RSBN1L: variants seen among roughly 807,000 people sequenced by gnomAD.
RSBN1L encodes lysine-specific demethylase RSBN1L.
RSBN1L carries 30 observed loss-of-function variants against 67.7 expected under a neutral mutation model. That is an observed-to-expected ratio of 0.44 (90% CI 0.33 to 0.60). The LOEUF is 0.60. RSBN1L is among the 20% of genes least tolerant of loss of function. The pLI, the probability that RSBN1L is intolerant of heterozygous loss-of-function variation, is 0.02. For synonymous variants in RSBN1L, 433 were observed against 387.0 expected (o/e 1.12, Z -1.39); for missense variants, 992 against 1,031.7 (o/e 0.96, Z 0.53).
chr7:77,726,417 G>T (rs887688387), intron 1 of RSBN1L, among the ~76,000 whole-genome samples: 2 of 152,128 alleles, frequency 1.3e-5, no homozygotes, highest in Non-Finnish European at 2.9e-5. Context: ...GTATTTTGTG[G>T]AACGTCTCCC....
At chr7:77,723,671 C>T (rs1247924550) in intron 1 of RSBN1L, among the ~76,000 whole-genome samples, 3 of 152,088 alleles carry the variant, frequency 2.0e-5, no homozygotes, top group African/African-American at 7.2e-5. Flanking sequence ...CGTGGTGGCT[C>T]ACACCTGTAA....
chr7:77,742,931 A>G (rs1489685734), intron 2 of RSBN1L, among the ~76,000 whole-genome samples: 2 of 152,252 alleles, frequency 1.3e-5, no homozygotes, highest in African/African-American at 2.4e-5. Context: ...TCCAAAAATA[A>G]GAGTTCCTAG....
At chr7:77,715,529 G>A (rs547026086) in intron 1 of RSBN1L, among the ~76,000 whole-genome samples, 10 of 152,028 alleles carry the variant, frequency 6.6e-5, no homozygotes, top group Non-Finnish European at 1.5e-4. Context: ...GGAAGGTCTC[G>A]AACTCCTGGC....
rs1035661797 is a variant in RSBN1L at position 77,773,298 on chromosome 7, G to A, written c.1777G>A (p.Val593Met). The change falls in exon 6 of 8, where the codon GTG becomes ATG. Residue 593 changes from valine to methionine, a missense_variant. Coordinates refer to ENST00000334955, the MANE Select transcript of RSBN1L (RefSeq NM_198467.3). ...AGCTGCTGTTGGAGTGCTGAAGGCTGTGCACTGTGGAGAGTGGTATATATA... is the reference window on the plus strand; with the variant it reads ...AGCTGCTGTTGGAGTGCTGAAGGCTATGCACTGTGGAGAGTGGTATATATA... ...TTAAVGVLKAVHCGEWPDQPR... is the reference protein window; with the variant it reads ...TTAAVGVLKAMHCGEWPDQPR... 2.5e-6 allele frequency: 4 copies of A among 1,582,124 alleles called. No individual in the cohort carries two copies. Among genetic ancestry groups the A allele is most frequent in the African/African-American group, 1.4e-5 (1 of 73,446 alleles).
intron 3 of RSBN1L, among the ~76,000 whole-genome samples, chr7:77,761,820 T>C (rs1335238041): frequency 6.6e-6 from 1 of 152,224 alleles, no homozygotes; most frequent in East Asian, 1.9e-4. Flanking sequence ...CAATATATTT[T>C]AAAATTTAAT....
chr7:77,751,221 C>T lies in RSBN1L; in HGVS notation c.1344+1157C>T, dbSNP rs188994544. Among the ~76,000 whole-genome samples the T allele has an allele frequency of 1.8e-3, 267 of 152,200 alleles. 1 individual carries two copies. The highest frequency in any genetic ancestry group is 0.015 in the South Asian group (72 of 4,818). On this transcript the variant is annotated intron_variant, in intron 3 of 7. Coordinates refer to ENST00000334955, the MANE Select transcript of RSBN1L (RefSeq NM_198467.3). The stretch of plus-strand genomic sequence containing the variant: ...GTGGTGCGACCTTGGCTCACTGCAA[C>T]CTCTGCCTTCCGGGTTCAAGCGATT...
intron 1 of RSBN1L, among the ~76,000 whole-genome samples, chr7:77,712,531 A>C (rs1484329909): frequency 6.6e-6 from 1 of 152,090 alleles, no homozygotes; most frequent in East Asian, 1.9e-4. Flanking sequence ...CACCCTCCTC[A>C]GCCTCCCAAA....
At chr7:77,747,030 G>C (rs1584293710) in intron 2 of RSBN1L, among the ~76,000 whole-genome samples, 2 of 152,178 alleles carry the variant, frequency 1.3e-5, no homozygotes, top group East Asian at 3.9e-4. Context: ...CAAGTGCGTG[G>C]TGCAAGCTTT....
chr7:77,776,620 A>T (rs1360398980), intron 6 of RSBN1L, among the ~76,000 whole-genome samples: 1 of 152,252 alleles, frequency 6.6e-6, no homozygotes, highest in East Asian at 1.9e-4. Context: ...GTACACATTT[A>T]GAATTGTTAT....
At chr7:77,710,099 G>T (rs542324286) in intron 1 of RSBN1L, among the ~76,000 whole-genome samples, 1 of 152,194 alleles carries the variant, frequency 6.6e-6, no homozygotes, top group South Asian at 2.1e-4. Flanking sequence ...TTTTCTACTA[G>T]TTTTAGTTCA....
intron 1 of RSBN1L, among the ~76,000 whole-genome samples, chr7:77,697,816 A>G (rs974072098): frequency 2.6e-5 from 4 of 152,194 alleles, no homozygotes; most frequent in African/African-American, 9.7e-5. Flanking sequence ...GCGAATTCTT[A>G]AGGGTTCTTG....
At chr7:77,746,337 G>T (rs545920734) in intron 2 of RSBN1L, among the ~76,000 whole-genome samples, 1 of 152,258 alleles carries the variant, frequency 6.6e-6, no homozygotes, top group South Asian at 2.1e-4. Context: ...CATGGCCAGA[G>T]CAGGAGAGAG....
intron 5 of RSBN1L, among the ~76,000 whole-genome samples, chr7:77,769,317 C>T (rs1044062478): frequency 3.9e-5 from 6 of 152,084 alleles, no homozygotes; most frequent in African/African-American, 1.4e-4. Context: ...TTAAAAATTA[C>T]TATAAAGTTC....
intron 3 of RSBN1L, among the ~76,000 whole-genome samples, chr7:77,758,813 A>G (rs1791658790): frequency 6.6e-6 from 1 of 152,228 alleles, no homozygotes; most frequent in Admixed American, 6.5e-5. Flanking sequence ...GGCAAATAAA[A>G]TAGGAATTTT....
At chr7:77,747,421 A>AG (rs1431555128) in intron 2 of RSBN1L, among the ~76,000 whole-genome samples, 1 of 152,194 alleles carries the variant, frequency 6.6e-6, no homozygotes, top group Non-Finnish European at 1.5e-5. Context: ...TTCCTGGGCC[A>AG]GGCCCAGGGC....
intron 1 of RSBN1L, among the ~76,000 whole-genome samples, chr7:77,701,499 A>G (rs774296745): frequency 1.6e-4 from 25 of 152,124 alleles, no homozygotes; most frequent in Non-Finnish European, 2.8e-4. Flanking sequence ...CTGGTTCCCA[A>G]AGTAGATGTT....
chr7:77,700,469 T>C (rs1790801417), intron 1 of RSBN1L, among the ~76,000 whole-genome samples: 1 of 152,214 alleles, frequency 6.6e-6, no homozygotes, highest in Non-Finnish European at 1.5e-5. Flanking sequence ...GAAAGTGTAG[T>C]TGCAGGATTT....
intron 3 of RSBN1L, among the ~76,000 whole-genome samples, chr7:77,761,070 G>C (rs1222722973): frequency 6.6e-6 from 1 of 152,194 alleles, no homozygotes; most frequent in Non-Finnish European, 1.5e-5. Context: ...AGGATGTGAG[G>C]TTTTCCAGAT....
At position 77,773,225 on chromosome 7, in the gene RSBN1L, A is replaced by G; in HGVS notation, c.1704A>G (p.Thr568=). ...GTGAGATGCTCTTTGAAGACAGGAC[A>G]AGAGCTCATGCAGATCATATAGGAC... The part of the protein sequence containing the change: ...EPREMLFEDR[T]RAHADHIGQG... Residue 568 remains threonine, a synonymous_variant, in exon 6 of 8, where the codon ACA becomes ACG. Coordinates refer to ENST00000334955, the MANE Select transcript of RSBN1L (RefSeq NM_198467.3). 6.2e-7 allele frequency: 1 copy of G among 1,613,544 alleles called. No individual in the cohort carries two copies. Among genetic ancestry groups the G allele is most frequent in the Non-Finnish European group, 8.5e-7 (1 of 1,179,656 alleles).
Sources: allele counts gnomAD v4.1 joint callset (sites outside exome capture counted in the v4.1 genomes callset), GRCh38; gene constraint gnomAD v4.1.1; transcripts MANE v1.5; gene names NCBI Gene and HGNC (gene_info 2026-07-23, HGNC 2026-07-21).